Variants in PKIB observed in about 807,000 individuals in gnomAD.
PKIB encodes PKI-beta.
A neutral mutation model predicts 4.5 loss-of-function variants in PKIB; 2 were observed. The observed-to-expected ratio is 0.44, with a 90% CI of 0.18 to 1.39. PKIB has a LOEUF of 1.39. Ranked by LOEUF, PKIB falls within the 40% of genes most tolerant of loss-of-function variation. The pLI is 0.27. For synonymous variants in PKIB, 38 were observed against 36.0 expected, an observed-to-expected ratio of 1.06 and a Z score of -0.20; for missense variants, 94 against 92.6, an observed-to-expected ratio of 1.02 and a Z score of -0.06.
chr6:122,627,980 T>C (rs1775526784), intron 1 of PKIB, among the ~76,000 whole-genome samples: 1 of 152,018 alleles, frequency 6.6e-6, no homozygotes, highest in African/African-American at 2.4e-5. Flanking sequence ...ATGTATGGGA[T>C]TAACATATAT....
At chr6:122,669,672 G>A (rs9320886) in intron 2 of PKIB, among the ~76,000 whole-genome samples, 82,459 of 151,590 alleles carry the variant, frequency 0.54, 23,873 homozygotes, top group Non-Finnish European at 0.66. Context: ...TTCAGCTCCC[G>A]CCTTGGCTGT....
intron 3 of PKIB, among the ~76,000 whole-genome samples, chr6:122,679,983 T>C (rs1217833715): frequency 6.6e-6 from 1 of 152,240 alleles, no homozygotes; most frequent in African/African-American, 2.4e-5. Context: ...CCTTCTATTA[T>C]AGCACTCTGC....
At chr6:122,595,911 C>T (rs969099174) in intron 3 of PKIB, among the ~76,000 whole-genome samples, 28 of 152,334 alleles carry the variant, frequency 1.8e-4, no homozygotes, top group African/African-American at 6.5e-4. Flanking sequence ...GCTGAGGTCA[C>T]CCGTTGGTGA....
At chr6:122,483,391 C>G (rs1018253014) in intron 2 of PKIB, 3 of 152,088 alleles carry the variant, frequency 2.0e-5, no homozygotes, top group Non-Finnish European at 2.9e-5. Flanking sequence ...TTACAATTAT[C>G]TGCCACATAT....
intron 1 of PKIB, among the ~76,000 whole-genome samples, chr6:122,614,208 A>G (rs1167269136): frequency 6.6e-6 from 1 of 152,092 alleles, no homozygotes; most frequent in Non-Finnish European, 1.5e-5. Context: ...AACAATCTAG[A>G]TTTGCATAAT....
chr6:122,566,596 A>C (rs190773161), intron 2 of PKIB, among the ~76,000 whole-genome samples: 3 of 152,088 alleles, frequency 2.0e-5, no homozygotes, highest in Non-Finnish European at 2.9e-5. Context: ...AAATTGTATT[A>C]CCATTTTGAA....
chr6:122,525,170 G>T (rs929296367), intron 2 of PKIB, among the ~76,000 whole-genome samples: 1 of 151,732 alleles, frequency 6.6e-6, no homozygotes, highest in Admixed American at 6.6e-5. Context: ...CTGTTACAAG[G>T]TATTATATAA....
At chr6:122,715,754 A>T (rs1779465719) in intron 3 of PKIB, among the ~76,000 whole-genome samples, 1 of 151,934 alleles carries the variant, frequency 6.6e-6, no homozygotes. Flanking sequence ...ATATAAAAAT[A>T]ATAAAGGCAG....
intron 1 of PKIB, among the ~76,000 whole-genome samples, chr6:122,613,582 A>G (rs1209154132): frequency 6.6e-6 from 1 of 152,172 alleles, no homozygotes; most frequent in African/African-American, 2.4e-5. Context: ...ATTACCAGGT[A>G]GTGACATTAC....
At chr6:122,671,663 T>G (rs1263915056) in intron 2 of PKIB, among the ~76,000 whole-genome samples, 1 of 152,234 alleles carries the variant, frequency 6.6e-6, no homozygotes, top group Non-Finnish European at 1.5e-5. Flanking sequence ...TTATACAAGT[T>G]CAGGGTTAAA....
intron 2 of PKIB, among the ~76,000 whole-genome samples, chr6:122,667,492 A>G (rs1777275670): frequency 6.6e-6 from 1 of 151,652 alleles, no homozygotes; most frequent in East Asian, 2.0e-4. Flanking sequence ...AGCCGAGATG[A>G]CGCCACTGCA....
chr6:122,652,767 A>G (rs184381149), intron 2 of PKIB: 4 of 152,280 alleles, frequency 2.6e-5, no homozygotes, highest in African/African-American at 9.6e-5. Flanking sequence ...TTTCTTGAAG[A>G]AGTTGTAGGT....
chr6:122,666,671 G>C (rs1268034046), intron 2 of PKIB, among the ~76,000 whole-genome samples: 1 of 151,986 alleles, frequency 6.6e-6, no homozygotes, highest in Non-Finnish European at 1.5e-5. Flanking sequence ...GTGAACATCT[G>C]GTATTAATCT....
chr6:122,562,196 A>G (rs372470037), intron 2 of PKIB, among the ~76,000 whole-genome samples: 30 of 152,012 alleles, frequency 2.0e-4, no homozygotes, highest in African/African-American at 7.2e-4. Context: ...AAACGACTGT[A>G]TCTTTCCTTC....
chr6:122,645,217 A>G lies in PKIB; in HGVS notation c.-76+11850A>G, dbSNP rs9375159. Reference sequence around the variant, plus strand: ...CTTAAATAATCCACAATCTGTTTTAATTATTCTTAAAACCTGTTAAGTTGG... The same window carrying G: ...CTTAAATAATCCACAATCTGTTTTAGTTATTCTTAAAACCTGTTAAGTTGG... On this transcript the variant is annotated intron_variant, in intron 2 of 4. Transcript: ENST00000368452. Among the ~76,000 whole-genome samples, 987 of 152,338 alleles carry G rather than the reference A, an allele frequency of 6.5e-3. 50 individuals are homozygous for G. The East Asian group carries it at 0.1, about 16-fold the overall frequency.
chr6:122,660,054 G>A (rs1258892182), intron 2 of PKIB, among the ~76,000 whole-genome samples: 2 of 152,186 alleles, frequency 1.3e-5, no homozygotes, highest in African/African-American at 4.8e-5. Context: ...TTACAAATGA[G>A]TTAGAAATGT....
intron 2 of PKIB, among the ~76,000 whole-genome samples, chr6:122,527,572 A>C (rs927724498): frequency 1.3e-5 from 2 of 152,212 alleles, no homozygotes; most frequent in Non-Finnish European, 2.9e-5. Flanking sequence ...TTAACTGGTC[A>C]GCAGAGCAGT....
intron 2 of PKIB, among the ~76,000 whole-genome samples, chr6:122,515,978 G>A (rs1438508360): frequency 2.0e-5 from 3 of 152,158 alleles, no homozygotes; most frequent in African/African-American, 7.2e-5. Context: ...CTCCCAAAGT[G>A]TTGGGATTAC....
intron 2 of PKIB, among the ~76,000 whole-genome samples, chr6:122,583,682 C>T (rs1049124270): frequency 1.3e-5 from 2 of 152,052 alleles, no homozygotes; most frequent in African/African-American, 4.8e-5. Context: ...CAAATATCAC[C>T]TCTAATAAAC....
Sources: allele counts gnomAD v4.1 joint callset (sites outside exome capture counted in the v4.1 genomes callset), GRCh38; gene constraint gnomAD v4.1.1; transcripts MANE v1.5; gene names NCBI Gene and HGNC (gene_info 2026-07-23, HGNC 2026-07-21).